The following NEGR1 variants were observed in gnomAD, a reference collection of about 807,000 sequenced individuals.
NEGR1 encodes IgLON family member 4.
Under a neutral mutation model 40.9 loss-of-function variants are expected in NEGR1, and 10 were observed. That is an observed-to-expected ratio of 0.24 (90% CI 0.15 to 0.42). The LOEUF (loss-of-function observed/expected upper bound fraction) is 0.42. NEGR1 is among the 10% of genes least tolerant of loss of function. NEGR1 has a pLI of 1.00. For synonymous variants in NEGR1, 185 were observed against 166.8 expected (o/e 1.11, Z -0.84); for missense variants, 352 against 438.9 (o/e 0.80, Z 1.77).
At chr1:72,147,492 A>G (rs1650953461) in intron 1 of NEGR1, among the ~76,000 whole-genome samples, 1 of 152,158 alleles carries the variant, frequency 6.6e-6, no homozygotes, top group South Asian at 2.1e-4. Flanking sequence ...GGGACATACC[A>G]TGCAAGTTGA....
intron 1 of NEGR1, among the ~76,000 whole-genome samples, chr1:71,963,929 G>A (rs1008345953): frequency 2.0e-5 from 3 of 152,004 alleles, no homozygotes; most frequent in African/African-American, 7.3e-5. Flanking sequence ...TAACACAGCT[G>A]TACTCAGGAA....
At chr1:71,740,661 C>A (rs571954584) in intron 3 of NEGR1, among the ~76,000 whole-genome samples, 1 of 152,104 alleles carries the variant, frequency 6.6e-6, no homozygotes, top group Non-Finnish European at 1.5e-5. Flanking sequence ...TTATTTCTGG[C>A]AAATCTCAAG....
At chr1:72,004,957 A>G (rs1210986675) in intron 1 of NEGR1, among the ~76,000 whole-genome samples, 1 of 152,156 alleles carries the variant, frequency 6.6e-6, no homozygotes. Flanking sequence ...TATGGTAGTC[A>G]TGTTACACAT....
At chr1:71,448,520 G>A (rs375485198) in intron 6 of NEGR1, among the ~76,000 whole-genome samples, 1 of 152,068 alleles carries the variant, frequency 6.6e-6, no homozygotes, top group African/African-American at 2.4e-5. Flanking sequence ...AATCGCTTGA[G>A]CCCAGGAGGT....
At chr1:71,617,233 G>T (rs924228409) in intron 4 of NEGR1, among the ~76,000 whole-genome samples, 2 of 152,174 alleles carry the variant, frequency 1.3e-5, no homozygotes, top group African/African-American at 4.8e-5. Flanking sequence ...TATTTGTCAT[G>T]AACTTTTAGG....
chr1:72,259,407 C>A (rs1314024994), intron 1 of NEGR1, among the ~76,000 whole-genome samples: 1 of 151,962 alleles, frequency 6.6e-6, no homozygotes, highest in East Asian at 1.9e-4. Context: ...TCCTTCTATA[C>A]ATTGATATTT....
chr1:71,913,348 C>A (rs1570494521), intron 2 of NEGR1, among the ~76,000 whole-genome samples: 1 of 152,140 alleles, frequency 6.6e-6, no homozygotes, highest in East Asian at 1.9e-4. Flanking sequence ...CTCCTGACCT[C>A]AGATGATTCG....
chr1:71,955,620 C>G (rs1646113254), intron 1 of NEGR1, among the ~76,000 whole-genome samples: 1 of 152,166 alleles, frequency 6.6e-6, no homozygotes, highest in Non-Finnish European at 1.5e-5. Flanking sequence ...CAGTTTCTGT[C>G]TCAGCATTAA....
chr1:71,875,662 G>T (rs1660406705), intron 2 of NEGR1, among the ~76,000 whole-genome samples: 1 of 152,110 alleles, frequency 6.6e-6, no homozygotes, highest in African/African-American at 2.4e-5. Context: ...CAAACAACCT[G>T]AACAATGGAA....
intron 2 of NEGR1, among the ~76,000 whole-genome samples, chr1:71,917,990 G>T (rs929118825): frequency 4.0e-5 from 6 of 150,504 alleles, no homozygotes; most frequent in African/African-American, 1.2e-4. Flanking sequence ...GGCCGAGGCG[G>T]GCGGATCACA....
intron 1 of NEGR1, among the ~76,000 whole-genome samples, chr1:72,081,218 C>T (rs1647982345): frequency 1.3e-5 from 2 of 151,962 alleles, no homozygotes; most frequent in South Asian, 4.1e-4. Context: ...TCAGTACATC[C>T]TAGAGAAATC....
chr1:71,805,098 A>G (rs1657710154), intron 2 of NEGR1, among the ~76,000 whole-genome samples: 1 of 152,158 alleles, frequency 6.6e-6, no homozygotes, highest in African/African-American at 2.4e-5. Flanking sequence ...CAGGCTTATT[A>G]GGATGAGGAA....
chr1:71,990,185 AT>A (rs1162914827), intron 1 of NEGR1, among the ~76,000 whole-genome samples: 1 of 152,202 alleles, frequency 6.6e-6, no homozygotes, highest in African/African-American at 2.4e-5. Context: ...TACAAAGAGC[AT>A]GTCAGCTTTC....
chr1:71,744,342 A>AAATAAT (rs3077144), intron 3 of NEGR1, among the ~76,000 whole-genome samples: 7,626 of 140,976 alleles, frequency 0.054, 217 homozygotes, highest in East Asian at 0.087. Context: ...AGTACTCTGT[A>AAATAAT]AATAATAATA....
chr1:72,103,801 A>G (rs1262324353), intron 1 of NEGR1, among the ~76,000 whole-genome samples: 2 of 152,040 alleles, frequency 1.3e-5, no homozygotes, highest in Non-Finnish European at 2.9e-5. Flanking sequence ...TGGGGTGTTG[A>G]CAGGAGTGAT....
chr1:72,027,153 C>G (rs1646817816), intron 1 of NEGR1, among the ~76,000 whole-genome samples: 2 of 152,052 alleles, frequency 1.3e-5, no homozygotes, highest in South Asian at 4.1e-4. Context: ...GTCTCGATCT[C>G]CTGACCTCGT....
chr1:71,993,961 C>T (rs1223877576), intron 1 of NEGR1, among the ~76,000 whole-genome samples: 1 of 152,114 alleles, frequency 6.6e-6, no homozygotes, highest in Non-Finnish European at 1.5e-5. Flanking sequence ...GTTATAATTT[C>T]TCCACTCTTC....
At chr1:72,146,202 T>G (rs1282319369) in intron 1 of NEGR1, among the ~76,000 whole-genome samples, 1 of 152,166 alleles carries the variant, frequency 6.6e-6, no homozygotes, top group Admixed American at 6.6e-5. Context: ...CCAAATGCAC[T>G]GAAATAATGC....
chr1:72,274,159 T>C (rs986356281), intron 1 of NEGR1, among the ~76,000 whole-genome samples: 1 of 152,116 alleles, frequency 6.6e-6, no homozygotes, highest in South Asian at 2.1e-4. Flanking sequence ...TGCTACACTT[T>C]ACCCGCTTTA....
Sources: gnomAD v4.1 joint callset for allele counts (sites outside exome capture counted in the v4.1 genomes callset) on GRCh38, gnomAD v4.1.1 for gene constraint, MANE v1.5 for transcripts, NCBI Gene and HGNC (gene_info 2026-07-23, HGNC 2026-07-21) for gene names.